The following FAT3 variants were observed in gnomAD, a reference collection of about 807,000 sequenced individuals.
FAT3 encodes the protein FAT atypical cadherin 3.
A neutral mutation model predicts 310.2 loss-of-function variants in FAT3; 95 were observed. That is an observed-to-expected ratio of 0.31 (90% confidence interval 0.26 to 0.36). The LOEUF (loss-of-function observed/expected upper bound fraction) is 0.36. Among genes scored for constraint, FAT3 ranks in the 10% least tolerant of loss-of-function variants. The pLI is 1.00. For missense variants in FAT3, 5,408 were observed against 5,715.6 expected (o/e 0.95, Z 1.74); for synonymous variants, 2,314 against 2,192.9 (o/e 1.06, Z -1.54).
intron 1 of FAT3, among the ~76,000 whole-genome samples, chr11:92,293,547 TATATAAATAA>T (rs1344507114): frequency 8.2e-4 from 15 of 18,184 alleles, no homozygotes; most frequent in Admixed American, 5.2e-3. Context: ...TATATATATA[TATATAAATAA>T]AATATATTCC....
intron 3 of FAT3, among the ~76,000 whole-genome samples, chr11:92,544,178 A>C (rs1037548416): frequency 1.3e-5 from 2 of 152,192 alleles, no homozygotes; most frequent in Non-Finnish European, 2.9e-5. Context: ...AAAATGTTTA[A>C]ATTTCTAAAG....
intron 2 of FAT3, among the ~76,000 whole-genome samples, chr11:92,364,036 A>C (rs1948950553): frequency 6.6e-6 from 1 of 152,084 alleles, no homozygotes; most frequent in Non-Finnish European, 1.5e-5. Context: ...CTGTTGGTTC[A>C]AATCTGTAAT....
At chr11:92,470,918 A>G (rs575346737) in intron 2 of FAT3, among the ~76,000 whole-genome samples, 1 of 152,348 alleles carries the variant, frequency 6.6e-6, no homozygotes, top group Admixed American at 6.5e-5. Flanking sequence ...AAAAGGAAGG[A>G]AACATACTTG....
At chr11:92,777,730 C>T (rs565438543) in intron 7 of FAT3, among the ~76,000 whole-genome samples, 9 of 152,214 alleles carry the variant, frequency 5.9e-5, no homozygotes, top group African/African-American at 1.9e-4. Flanking sequence ...CTAACTTCTC[C>T]GCACCCTAGT....
At chr11:92,254,767 A>G (rs1437161081) in intron 1 of FAT3, among the ~76,000 whole-genome samples, 2 of 151,988 alleles carry the variant, frequency 1.3e-5, no homozygotes, top group Admixed American at 1.3e-4. Context: ...GTGCAATGGC[A>G]TGATCTCGGC....
chr11:92,295,421 T>C (rs78058479), intron 1 of FAT3, among the ~76,000 whole-genome samples: 5,869 of 152,244 alleles, frequency 0.039, 155 homozygotes, highest in Middle Eastern at 0.068. Context: ...AAGTAGTGAC[T>C]TGCAAATTGC....
chr11:92,445,487 TC>T (rs1474352058), intron 2 of FAT3, among the ~76,000 whole-genome samples: 75 of 152,276 alleles, frequency 4.9e-4, no homozygotes, highest in Non-Finnish European at 9.4e-4. Flanking sequence ...CCATCCACTG[TC>T]TGGCTTGTTG....
intron 3 of FAT3, among the ~76,000 whole-genome samples, chr11:92,623,493 A>G: frequency 6.6e-6 from 1 of 152,214 alleles, no homozygotes; most frequent in Non-Finnish European, 1.5e-5. Context: ...TTTTTGTTAT[A>G]TATACTGAAA....
At chr11:92,231,328 T>G (rs1257747597) in intron 1 of FAT3, among the ~76,000 whole-genome samples, 1 of 152,180 alleles carries the variant, frequency 6.6e-6, no homozygotes, top group Non-Finnish European at 1.5e-5. Context: ...AAAAAATTTG[T>G]AAAAAATGGC....
At chr11:92,518,099 A>C (rs1953548360) in intron 2 of FAT3, among the ~76,000 whole-genome samples, 1 of 151,992 alleles carries the variant, frequency 6.6e-6, no homozygotes, top group Admixed American at 6.6e-5. Context: ...GAGCCAAATA[A>C]TGCTAGAAAT....
intron 12 of FAT3, among the ~76,000 whole-genome samples, chr11:92,809,266 C>T (rs1019537849): frequency 2.6e-5 from 4 of 152,192 alleles, no homozygotes; most frequent in African/African-American, 9.7e-5. Context: ...GGCCCTTCCA[C>T]AATCCAGCAA....
At chr11:92,727,991 AGTGGTGGCACTCCT>A (rs1342291267) in intron 4 of FAT3, among the ~76,000 whole-genome samples, 1 of 152,072 alleles carries the variant, frequency 6.6e-6, no homozygotes, top group African/African-American at 2.4e-5. Flanking sequence ...CATGCTGGCC[AGTGGTGGCACTCCT>A]GTGCCTCTGC....
chr11:92,758,977 G>A (rs974363809), intron 4 of FAT3, among the ~76,000 whole-genome samples: 2 of 152,166 alleles, frequency 1.3e-5, no homozygotes, highest in African/African-American at 4.8e-5. Context: ...TGGGGTGCTA[G>A]GATCCAGAAA....
chr11:92,780,242 G>T (rs1946711962), intron 7 of FAT3, among the ~76,000 whole-genome samples: 1 of 149,106 alleles, frequency 6.7e-6, no homozygotes, highest in Non-Finnish European at 1.5e-5. Flanking sequence ...ACTCACGGTA[G>T]CCTGGACTTC....
At chr11:92,673,308 A>G (rs1299509939) in intron 3 of FAT3, among the ~76,000 whole-genome samples, 2 of 152,204 alleles carry the variant, frequency 1.3e-5, no homozygotes, top group African/African-American at 4.8e-5. Context: ...TAAGTATCCA[A>G]TTATGTTCAA....
At chr11:92,520,370 G>A (rs1183305282) in intron 2 of FAT3, among the ~76,000 whole-genome samples, 1 of 152,074 alleles carries the variant, frequency 6.6e-6, no homozygotes, top group African/African-American at 2.4e-5. Context: ...ATGAGAAAGA[G>A]GCTACTTTGG....
intron 11 of FAT3, 95 bp from the exon 12 acceptor site, chr11:92,806,267 A>T: frequency 1.8e-6 from 2 of 1,134,362 alleles, no homozygotes; most frequent in Non-Finnish European, 1.2e-6. Context: ...TAAATTATAT[A>T]AATGAATTTT....
chr11:92,738,885 G>A (rs1945425866), intron 4 of FAT3, among the ~76,000 whole-genome samples: 2 of 152,120 alleles, frequency 1.3e-5, no homozygotes, highest in South Asian at 2.1e-4. Flanking sequence ...AAGTCGTTGG[G>A]AAAATCAAAT....
At position 92,451,344 on chromosome 11, in the gene FAT3, C is replaced by A. The variant is rs146093494; in HGVS notation, c.3293-73290C>A. 1.8e-3 allele frequency among the ~76,000 whole-genome samples: 270 copies of A among 152,284 alleles called. 1 individual carries two copies. The highest frequency in any genetic ancestry group is 3.4e-3 in the African/African-American group (143 of 41,572). ...ACAGCTCCGCGGATAAGGTTGTAAC[C>A]AGCCTTCCATGACCTGTCTTGTCTC... On this transcript the variant is annotated intron_variant, in intron 2 of 27. Coordinates refer to ENST00000525166, the MANE Select transcript of FAT3 (RefSeq NM_001367949.2).
Sources: gnomAD v4.1 joint callset for allele counts (sites outside exome capture counted in the v4.1 genomes callset) on GRCh38, gnomAD v4.1.1 for gene constraint, MANE v1.5 for transcripts, NCBI Gene and HGNC (gene_info 2026-07-23, HGNC 2026-07-21) for gene names.